The following LMBR1 variants were observed in gnomAD, a reference collection of about 807,000 sequenced individuals.
LMBR1 encodes limb development membrane protein 1.
In LMBR1, 52 loss-of-function variants were observed where a neutral mutation model predicts 73.9. The observed-to-expected ratio is 0.70, with a 90% CI of 0.56 to 0.89. The LOEUF (loss-of-function observed/expected upper bound fraction) is 0.89, where lower values mean the gene tolerates loss of function less well. Among genes scored for constraint, LMBR1 ranks in the 40% least tolerant of loss-of-function variants. The pLI is 0.00. For missense variants in LMBR1, 539 were observed against 579.8 expected, an observed-to-expected ratio of 0.93 and a Z score of 0.72; for synonymous variants, 215 against 209.4, an observed-to-expected ratio of 1.03 and a Z score of -0.23.
chr7:156,835,050 G>T (rs1201702810), intron 2 of LMBR1, among the ~76,000 whole-genome samples: 1 of 152,152 alleles, frequency 6.6e-6, no homozygotes, highest in Non-Finnish European at 1.5e-5. Flanking sequence ...TGAAGCAGGA[G>T]AATCACCTGA....
chr7:156,888,377 T>C (rs989297597), intron 1 of LMBR1, among the ~76,000 whole-genome samples: 2 of 138,838 alleles, frequency 1.4e-5, no homozygotes, highest in African/African-American at 5.5e-5. Flanking sequence ...GTCACTGCAC[T>C]CCAGCCTGGG....
intron 8 of LMBR1, among the ~76,000 whole-genome samples, chr7:156,757,645 T>C (rs1381807558): frequency 6.6e-6 from 1 of 152,138 alleles, no homozygotes; most frequent in Non-Finnish European, 1.5e-5. Flanking sequence ...TCCAAACTAC[T>C]CACACTCAGC....
intron 1 of LMBR1, among the ~76,000 whole-genome samples, chr7:156,863,091 C>A (rs1797954621): frequency 6.6e-6 from 1 of 151,840 alleles, no homozygotes; most frequent in African/African-American, 2.4e-5. Context: ...TCTAGAGGAA[C>A]AGAACTAATA....
At chr7:156,772,142 C>T (rs1056379216) in intron 5 of LMBR1, among the ~76,000 whole-genome samples, 33 of 151,968 alleles carry the variant, frequency 2.2e-4, no homozygotes, top group Admixed American at 1.8e-3. Context: ...GGCATGGTAG[C>T]GCAAGCCTGT....
At chr7:156,761,276 C>T (rs78078709) in intron 8 of LMBR1, among the ~76,000 whole-genome samples, 1,859 of 152,228 alleles carry the variant, frequency 0.012, 15 homozygotes, top group Non-Finnish European at 0.019. Flanking sequence ...TTCCTAGGGG[C>T]AGCTAAGAAA....
intron 15 of LMBR1, among the ~76,000 whole-genome samples, chr7:156,698,063 G>C (rs1356142170): frequency 1.3e-5 from 2 of 152,150 alleles, no homozygotes; most frequent in Non-Finnish European, 2.9e-5. Flanking sequence ...GGAGAAATTG[G>C]CCAGGACAAA....
At chr7:156,795,325 T>C (rs144067465) in intron 5 of LMBR1, among the ~76,000 whole-genome samples, 216 of 152,330 alleles carry the variant, frequency 1.4e-3, no homozygotes, top group Middle Eastern at 3.4e-3. Context: ...TGTTTACATC[T>C]GTCATTTCTC....
rs1804778237 is a variant in LMBR1, at chr7:156,680,275, T to C, written c.*3803A>G. On this transcript the variant is annotated 3_prime_UTR_variant, in exon 17 of 17. Coordinates refer to ENST00000353442, the MANE Select transcript of LMBR1 (RefSeq NM_022458.4). ...GCCACAAAGTAACTTAGTGTCTGTG[T>C]CTAGTATTTTTAAAAATAATAAAAC... The C allele has an allele frequency of 6.6e-6, 1 of 152,160 alleles. No individual in the cohort carries two copies. The highest frequency in any genetic ancestry group is 2.4e-5 in the African/African-American group (1 of 41,434). 9.4% of individuals were successfully genotyped at this position (152,160 alleles called of 1,614,324 possible).
chr7:156,836,187 G>A (rs1837616885), intron 2 of LMBR1, among the ~76,000 whole-genome samples: 1 of 152,074 alleles, frequency 6.6e-6, no homozygotes, highest in Non-Finnish European at 1.5e-5. Flanking sequence ...CCTACTATTA[G>A]CCCAACATCA....
chr7:156,751,246 G>A (rs532286235), intron 9 of LMBR1, among the ~76,000 whole-genome samples: 1 of 152,292 alleles, frequency 6.6e-6, no homozygotes, highest in East Asian at 1.9e-4. Flanking sequence ...GGGAAGCGTA[G>A]AGCAGAGGTA....
Position 156,670,040 on chromosome 7 carries a change from T to A in LMBR1, n.867-753A>T, listed in dbSNP as rs1201431147. ...TCTCCAGTGGTCATGTAGTTTTTTT[T>A]ATTTGCTGTTTATTTAATGTTATTC... is the stretch of plus-strand genomic sequence containing the variant. On this transcript the variant is annotated intron_variant and non_coding_transcript_variant, in intron 4 of 4. Coordinates refer to the LMBR1 transcript ENST00000430825. This position sits in a 1 kb window ranked among gnomAD's most constrained non-coding sequence, Gnocchi z 4.3. Among the ~76,000 whole-genome samples the A allele has an allele frequency of 1.3e-5, 2 of 152,268 alleles. No individual in the cohort carries two copies. The highest frequency in any genetic ancestry group is 3.8e-4 in the East Asian group (2 of 5,202).
intron 1 of LMBR1, among the ~76,000 whole-genome samples, chr7:156,861,761 G>C (rs1363441189): frequency 6.6e-6 from 1 of 152,110 alleles, no homozygotes; most frequent in Non-Finnish European, 1.5e-5. Flanking sequence ...CAAATCTTTA[G>C]GGTGGGGCAA....
chr7:156,724,301 T>C (rs1204703723), intron 14 of LMBR1, 123 bp from the exon 15 acceptor site: 1 of 667,132 alleles, frequency 1.5e-6, no homozygotes, highest in Non-Finnish European at 2.6e-6. Context: ...GATTTCTTAA[T>C]GATACTATTC....
At chr7:156,875,711 A>C (rs1800055993) in intron 1 of LMBR1, among the ~76,000 whole-genome samples, 1 of 152,204 alleles carries the variant, frequency 6.6e-6, no homozygotes, top group Non-Finnish European at 1.5e-5. Flanking sequence ...TATCCAGTGA[A>C]ACTATGCTTC....
intron 4 of LMBR1, among the ~76,000 whole-genome samples, chr7:156,802,821 T>C (rs1425631902): frequency 1.3e-5 from 2 of 152,018 alleles, no homozygotes. Context: ...CTCTGCACTT[T>C]AGAAAAGAAC....
rs570402717 is a variant in LMBR1, at chr7:156,820,027, G to T, written c.319+6578C>A. Among the ~76,000 whole-genome samples, 143 of 152,276 alleles carry T rather than the reference G, an allele frequency of 9.4e-4. 1 individual carries two copies. The highest frequency in any genetic ancestry group is 3.4e-3 in the African/African-American group (140 of 41,550). On this transcript the variant is annotated intron_variant, in intron 4 of 16. Transcript: ENST00000353442. ...AGGGATTTCAGAGATTACTGCCACC[G>T]TCGAGGACTTGAAAGATGCAGGGGT...
At chr7:156,758,418 T>C (rs1327674538) in intron 8 of LMBR1, among the ~76,000 whole-genome samples, 1 of 152,212 alleles carries the variant, frequency 6.6e-6, no homozygotes, top group Non-Finnish European at 1.5e-5. Context: ...GTGACTGATG[T>C]AGTTTGGATA....
intron 15 of LMBR1, among the ~76,000 whole-genome samples, chr7:156,722,448 G>C (rs1163931391): frequency 6.6e-6 from 1 of 152,076 alleles, no homozygotes; most frequent in Non-Finnish European, 1.5e-5. Context: ...TCTCTAGTTT[G>C]CATTTCCCAT....
At position 156,873,978 on chromosome 7, in the gene LMBR1, G is replaced by A. The variant is rs1415635285; in HGVS notation, c.66+18950C>T. Among the ~76,000 whole-genome samples, 3 of 152,262 alleles carry A rather than the reference G, an allele frequency of 2.0e-5. No individual in the cohort carries two copies. In the East Asian group the frequency reaches 5.8e-4, roughly 29 times the overall value. Reference sequence around the variant, plus strand: ...CCGCACTAGGGCTGCAGGTGGAGCTGCCTGCCAGTCCCGCGCCATGCGCTC... The same window carrying A: ...CCGCACTAGGGCTGCAGGTGGAGCTACCTGCCAGTCCCGCGCCATGCGCTC... On this transcript the variant is annotated intron_variant, in intron 1 of 16. Coordinates refer to ENST00000353442, the MANE Select transcript of LMBR1 (RefSeq NM_022458.4).
Sources: allele counts gnomAD v4.1 joint callset (sites outside exome capture counted in the v4.1 genomes callset), GRCh38; gene constraint gnomAD v4.1.1; non-coding constraint Gnocchi (gnomAD v3.1); transcripts MANE v1.5; gene names NCBI Gene and HGNC (gene_info 2026-07-23, HGNC 2026-07-21).